Variants in HENMT1 observed in about 807,000 individuals in gnomAD.
The protein encoded by HENMT1 is small RNA 2'-O-methyltransferase.
In HENMT1, 27 loss-of-function variants were observed where a neutral mutation model predicts 31.1. The observed-to-expected ratio is 0.87, with a 90% CI of 0.64 to 1.20. The LOEUF (loss-of-function observed/expected upper bound fraction) is 1.20, where lower values mean the gene tolerates loss of function less well. HENMT1 is among the 50% of genes most tolerant of loss of function. HENMT1 has a pLI of 0.00. For synonymous variants in HENMT1, 167 were observed against 172.2 expected, an observed-to-expected ratio of 0.97 and a Z score of 0.24; for missense variants, 438 against 469.6, an observed-to-expected ratio of 0.93 and a Z score of 0.62.
intron 5 of HENMT1, among the ~76,000 whole-genome samples, chr1:108,652,584 T>C (rs774460637): frequency 3.3e-5 from 5 of 152,000 alleles, no homozygotes; most frequent in Non-Finnish European, 7.4e-5. Context: ...AGTCAGTGTG[T>C]CCTAAGCAAA....
intron 7 of HENMT1, chr1:108,649,515 C>A: frequency 2.6e-6 from 1 of 380,720 alleles, no homozygotes; most frequent in Non-Finnish European, 5.2e-6. Flanking sequence ...ACTTAGGAGG[C>A]TCAAGTGGGA....
chr1:108,657,660 C>T (rs1263856952), intron 2 of HENMT1, 81 bp from the exon 3 acceptor site: 6 of 1,204,038 alleles, frequency 5.0e-6, no homozygotes, highest in Non-Finnish European at 7.0e-6. Flanking sequence ...AAAAAAAAAA[C>T]TTTATTTCCC....
At chr1:108,652,326 T>C (rs1403046945) in intron 5 of HENMT1, among the ~76,000 whole-genome samples, 1 of 152,190 alleles carries the variant, frequency 6.6e-6, no homozygotes. Context: ...TACCAAGGTA[T>C]CTAGGGTAAC....
intron 4 of HENMT1, among the ~76,000 whole-genome samples, 177 bp downstream of exon 4, chr1:108,655,409 G>A (rs1354839112): frequency 2.0e-5 from 3 of 152,100 alleles, no homozygotes; most frequent in Non-Finnish European, 2.9e-5. Context: ...TCTTTAAGTT[G>A]GTAGCAATAA....
At chr1:108,653,062 G>C (rs1224904380) in intron 5 of HENMT1, among the ~76,000 whole-genome samples, 1 of 147,068 alleles carries the variant, frequency 6.8e-6, no homozygotes, top group African/African-American at 2.5e-5. Flanking sequence ...AGTTTTGCTC[G>C]TTGTGCAATG....
chr1:108,661,150 C>G (rs1441042082), upstream of HENMT1: 1 of 272,950 alleles, frequency 3.7e-6, no homozygotes, highest in African/African-American at 2.3e-5. Flanking sequence ...GGCGCCCGCA[C>G]CCGCGCCTCG....
At chr1:108,659,457 T>TAC (rs1213685641) in intron 2 of HENMT1, among the ~76,000 whole-genome samples, 1 of 152,112 alleles carries the variant, frequency 6.6e-6, no homozygotes, top group Non-Finnish European at 1.5e-5. Flanking sequence ...AGCAGGGAGC[T>TAC]ACACCCTAGG....
intron 6 of HENMT1, among the ~76,000 whole-genome samples, chr1:108,650,819 A>G (rs1570631618): frequency 6.6e-6 from 1 of 152,208 alleles, no homozygotes; most frequent in Non-Finnish European, 1.5e-5. Flanking sequence ...CCTTCACATA[A>G]AAGGTGCCCA....
intron 3 of HENMT1, among the ~76,000 whole-genome samples, chr1:108,656,535 G>C (rs1458343069): frequency 6.6e-6 from 1 of 152,186 alleles, no homozygotes; most frequent in Non-Finnish European, 1.5e-5. Context: ...GCCCAGGCTG[G>C]AATGCAGGTG....
intron 7 of HENMT1, chr1:108,649,250 T>C (rs752312835): frequency 5.1e-5 from 30 of 593,800 alleles, no homozygotes; most frequent in South Asian, 1.8e-4. Flanking sequence ...GAACCCAGTA[T>C]TTCTACTTGA....
intron 1 of HENMT1, among the ~76,000 whole-genome samples, chr1:108,660,662 C>T (rs1187902149): frequency 6.6e-6 from 1 of 152,162 alleles, no homozygotes; most frequent in East Asian, 1.9e-4. Context: ...CGGTGGCTCA[C>T]GCCTGTAATC....
intron 6 of HENMT1, 104 bp from the exon 7 acceptor site, chr1:108,650,492 T>A: frequency 1.0e-6 from 1 of 978,642 alleles, no homozygotes; most frequent in Non-Finnish European, 1.5e-6. Context: ...AAAAATACAA[T>A]GAACATAAAT....
intron 2 of HENMT1, among the ~76,000 whole-genome samples, chr1:108,657,963 CTA>C (rs1238968977): frequency 2.1e-5 from 3 of 143,396 alleles, no homozygotes; most frequent in African/African-American, 2.8e-5. Context: ...TAATGACTGA[CTA>C]TATATATATA....
At chr1:108,652,572 T>G (rs1290774147) in intron 5 of HENMT1, among the ~76,000 whole-genome samples, 1 of 152,074 alleles carries the variant, frequency 6.6e-6, no homozygotes, top group Non-Finnish European at 1.5e-5. Context: ...CCATCCCATC[T>G]AAGTCAGTGT....
intron 2 of HENMT1, among the ~76,000 whole-genome samples, chr1:108,657,990 T>TAC (rs201214450): frequency 7.6e-4 from 107 of 140,116 alleles, no homozygotes; most frequent in Admixed American, 1.8e-3. Flanking sequence ...CACACATATA[T>TAC]ATACACACAC....
rs767176291 is a variant in HENMT1, at chr1:108,659,924, T to C, written c.-40A>G. 1.9e-6 allele frequency: 3 copies of C among 1,584,172 alleles called. No individual in the cohort carries two copies. Among genetic ancestry groups the C allele is most frequent in the Admixed American group, 3.7e-5 (2 of 54,602 alleles). ...TTGTTGAAACAAAAATGAAGATTTA[T>C]CCTTCAAGCTCTATTTGAGAGAATC... On this transcript the variant is annotated 5_prime_UTR_variant, in exon 2 of 8. Transcript: ENST00000651461.
At chr1:108,658,891 A>G (rs146969885) in intron 2 of HENMT1, among the ~76,000 whole-genome samples, 18 of 152,366 alleles carry the variant, frequency 1.2e-4, no homozygotes, top group African/African-American at 4.3e-4. Flanking sequence ...CAGTATTATA[A>G]AAGTAGTCCA....
chr1:108,657,708 C>A, intron 2 of HENMT1, 129 bp from the exon 3 acceptor site: 1 of 804,120 alleles, frequency 1.2e-6, no homozygotes, highest in Middle Eastern at 3.4e-4. Flanking sequence ...TTCACATACC[C>A]TTTGTCCTAA....
Position 108,650,062 on chromosome 1 carries a change from A to T in HENMT1, c.756+149T>A. On this transcript the variant is annotated intron_variant, in intron 7 of 7. Transcript: ENST00000651461. ...GACACCGTAGGCTAACTCGGACAGT[A>T]GTCATGGGGCCTGAAGAATTCTCCT... 4.0e-6 allele frequency: 3 copies of T among 750,646 alleles called. No homozygotes were observed. In the East Asian group the frequency reaches 7.8e-5, roughly 20 times the overall value. 46.5% of individuals were successfully genotyped at this position (750,646 alleles called of 1,614,324 possible). A position where few individuals can be genotyped will look rare whatever the true frequency, so the allele number is the denominator to read the frequency against.
Sources: gnomAD v4.1 joint callset for allele counts (sites outside exome capture counted in the v4.1 genomes callset) on GRCh38, gnomAD v4.1.1 for gene constraint, MANE v1.5 for transcripts, NCBI Gene and HGNC (gene_info 2026-07-23, HGNC 2026-07-21) for gene names.